CAPN6: variants seen among roughly 807,000 people sequenced by gnomAD.
CAPN6 encodes the protein calpain 6.
A neutral mutation model predicts 46.0 loss-of-function variants in CAPN6; 16 were observed. The observed-to-expected ratio is 0.35, with a 90% CI of 0.24 to 0.53. The LOEUF is 0.53. Ranked by LOEUF, CAPN6 falls within the 20% of genes least tolerant of loss-of-function variation. The pLI, the probability that CAPN6 is intolerant of heterozygous loss-of-function variation, is 0.94. For missense variants in CAPN6, 461 were observed against 498.0 expected (o/e 0.93, Z 0.71); for synonymous variants, 206 against 172.8 (o/e 1.19, Z -1.51).
rs970979582 is a variant in CAPN6 at position 111,246,161 on chromosome X, G to A, written c.*416C>T. The A allele has an allele frequency of 8.3e-6, 1 of 121,035 alleles. No individual in the cohort carries two copies. Among genetic ancestry groups the A allele is most frequent in the Non-Finnish European group, 1.7e-5 (1 of 59,381 alleles). 10.0% of individuals were successfully genotyped at this position (121,035 alleles called of 1,213,427 possible). Reference sequence around the variant, plus strand: ...TCTATAGTGTTCAGTCAGGAGCTAGGATGTCAGGCTAGACCAGCTTGGCCT... The same window carrying A: ...TCTATAGTGTTCAGTCAGGAGCTAGAATGTCAGGCTAGACCAGCTTGGCCT... On this transcript the variant is annotated 3_prime_UTR_variant, in exon 13 of 13. Coordinates refer to ENST00000324068, the MANE Select transcript of CAPN6 (RefSeq NM_014289.4).
chrX:111,248,754 T>G lies in CAPN6; in HGVS notation c.1299A>C (p.Lys433Asn), dbSNP rs2094976674. Residue 433 changes from lysine (K) to asparagine (N), a missense_variant, in exon 10 of 13, where the codon AAA becomes AAC. By Grantham distance (94) the Lys-to-Asn change is moderately conservative (BLOSUM62 0). Transcript: ENST00000324068. ...GGATGTAGAGGTGGTGGAGGCGGAA[T>G]TTGCGGTTCATCTCCACCTGGAAAT... ...FELFKVEMNR[K>N]FRLHHLYIQE... 4.1e-6 allele frequency: 5 copies of G among 1,209,068 alleles called. No individual in the cohort carries two copies. Among genetic ancestry groups the G allele is most frequent in the Non-Finnish European group, 4.5e-6 (4 of 894,661 alleles).
intron 12 of CAPN6, 113 bp from the exon 13 acceptor site, chrX:111,246,872 A>G (rs1380165236): frequency 6.4e-6 from 4 of 626,052 alleles, no homozygotes; most frequent in African/African-American, 2.2e-5. Context: ...TAAAACCAAG[A>G]GACTATTCTG....
intron 2 of CAPN6, among the ~76,000 whole-genome samples, chrX:111,257,583 T>C (rs1056181361): frequency 2.7e-5 from 3 of 112,213 alleles, no homozygotes; most frequent in African/African-American, 9.7e-5. Flanking sequence ...AACAGACTAT[T>C]TGGTGACAAA....
intron 2 of CAPN6, among the ~76,000 whole-genome samples, chrX:111,262,461 G>A (rs2094988628): frequency 8.9e-6 from 1 of 112,000 alleles, no homozygotes; most frequent in Non-Finnish European, 1.9e-5. Context: ...AAAAGTGATA[G>A]TTGGTAAAAG....
chrX:111,252,475 C>T lies in CAPN6; in HGVS notation c.531G>A (p.Leu177=). The T allele has an allele frequency of 2.5e-6, 3 of 1,206,682 alleles. No homozygotes were observed. The highest frequency in any genetic ancestry group is 3.4e-6 in the Non-Finnish European group (3 of 893,433). The change falls in exon 5 of 13, where the codon CTG becomes CTA. Residue 177 remains leucine, a synonymous_variant. Transcript: ENST00000324068. Reference sequence around the variant, plus strand: ...TAATATCAGTGATGGTCAAACCATCCAGGGCCTCATAACAGCCTAGCAGCC... The same window carrying T: ...TAATATCAGTGATGGTCAAACCATCTAGGGCCTCATAACAGCCTAGCAGCC... ...YAKLLGCYEA[L]DGLTITDIIV... is the part of the protein sequence containing the mutation.
In CAPN6 at chrX:111,251,215, T is replaced by C; in HGVS notation, c.965A>G (p.Glu322Gly). Residue 322 changes from glutamate to glycine, a missense_variant, in exon 7 of 13, where the codon GAG (glutamate) becomes GGG (glycine). Coordinates refer to ENST00000324068, the MANE Select transcript of CAPN6 (RefSeq NM_014289.4). ...TGCAGAAACCCCTCCTCACCAAAAC[T>C]CTCCATCATCAGACATAACAAGCCC... ...NLGLVMSDDG[E>G]FWMSLEDFCR... 1 of 1,206,383 alleles carries C rather than the reference T, an allele frequency of 8.3e-7. No homozygotes were observed. The highest frequency in any genetic ancestry group is 1.1e-6 in the Non-Finnish European group (1 of 894,143).
At chrX:111,258,368 G>A (rs908914011) in intron 2 of CAPN6, among the ~76,000 whole-genome samples, 27 of 111,925 alleles carry the variant, frequency 2.4e-4, no homozygotes, top group African/African-American at 8.8e-4. Context: ...TACAAGTGAG[G>A]TCAGGCCTGC....
chrX:111,247,537 C>A (rs1239533868), intron 11 of CAPN6, 33 bp from the exon 12 acceptor site: 4 of 1,174,284 alleles, frequency 3.4e-6, no homozygotes, highest in African/African-American at 3.5e-5. Flanking sequence ...TTTAACACAG[C>A]AATTAAAGTT....
At chrX:111,265,258 C>T (rs2094990908) in intron 1 of CAPN6, among the ~76,000 whole-genome samples, 2 of 112,334 alleles carry the variant, frequency 1.8e-5, no homozygotes, top group South Asian at 7.4e-4. Flanking sequence ...AAAGAAGTTT[C>T]CCCATTTGAA....
chrX:111,268,929 G>T (rs2094994010), intron 1 of CAPN6, among the ~76,000 whole-genome samples: 1 of 111,633 alleles, frequency 9.0e-6, no homozygotes. Context: ...TGGGGAGGAG[G>T]GCAAACATGC....
In CAPN6 at chrX:111,246,697, G is replaced by T; in HGVS notation, c.1806C>A (p.Pro602=). 8.3e-7 allele frequency: 1 copy of T among 1,210,813 alleles called. No homozygotes were observed. Among genetic ancestry groups the T allele is most frequent in the Non-Finnish European group, 1.1e-6 (1 of 895,032 alleles). Residue 602 remains proline (P), a synonymous_variant, in exon 13 of 13, where the codon CCC becomes CCA. Transcript: ENST00000324068. ...GAGACTTCAGATCACGGCAGTCGCT[G>T]GGGTCAGCATCCAGAGTAACCTGCC... ...FLGQVTLDAD[P]SDCRDLKSLY...
intron 2 of CAPN6, among the ~76,000 whole-genome samples, chrX:111,256,662 G>A (rs2094984015): frequency 9.0e-6 from 1 of 111,339 alleles, no homozygotes; most frequent in Non-Finnish European, 1.9e-5. Flanking sequence ...GACATAAAGG[G>A]TCACATAAGT....
intron 2 of CAPN6, among the ~76,000 whole-genome samples, chrX:111,260,364 G>A (rs1387553270): frequency 8.8e-6 from 1 of 113,036 alleles, no homozygotes; most frequent in Non-Finnish European, 1.9e-5. Flanking sequence ...GGAGGCTTAC[G>A]AAGGCAAAAG....
chrX:111,253,057 T>G lies in CAPN6; in HGVS notation c.457A>C (p.Thr153Pro). 8.3e-7 allele frequency: 1 copy of G among 1,211,609 alleles called. No individual in the cohort carries two copies. Among genetic ancestry groups the G allele is most frequent in the Non-Finnish European group, 1.1e-6 (1 of 895,155 alleles). Residue 153 changes from threonine to proline, a missense_variant, in exon 4 of 13, where the codon ACT becomes CCT. Thr to Pro is a conservative substitution (Grantham distance 38). Transcript: ENST00000324068. ...INGDLVFSFS[T>P]SMNEFWNALL... ...GCATTCCAAAACTCATTCATGGAAGTGGAGAAAGAGAAGACCAGATCTCCG... is the reference window on the plus strand; with the variant it reads ...GCATTCCAAAACTCATTCATGGAAGGGGAGAAAGAGAAGACCAGATCTCCG...
chrX:111,253,285 TACTC>T, intron 3 of CAPN6, 69 bp from the exon 4 acceptor site: 3 of 870,754 alleles, frequency 3.4e-6, no homozygotes, highest in Non-Finnish European at 5.1e-6. Context: ...GATTACAGTT[TACTC>T]CTGGCAAATC....
intron 1 of CAPN6, among the ~76,000 whole-genome samples, chrX:111,268,247 G>A (rs7880289): frequency 1.8e-5 from 2 of 111,241 alleles, no homozygotes; most frequent in South Asian, 3.8e-4. Context: ...ATTTTAATTC[G>A]GTTGCTCAAT....
intron 1 of CAPN6, among the ~76,000 whole-genome samples, chrX:111,268,804 C>T (rs949364303): frequency 2.0e-4 from 22 of 112,203 alleles, no homozygotes; most frequent in Non-Finnish European, 1.9e-4. Context: ...AGTACAACTT[C>T]TTTCTTTTGT....
At chrX:111,250,254 G>C (rs1484618964) in intron 8 of CAPN6, among the ~76,000 whole-genome samples, 1 of 111,583 alleles carries the variant, frequency 9.0e-6, no homozygotes, top group Non-Finnish European at 1.9e-5. Context: ...CTATGAGTTA[G>C]CTCATCAGCA....
intron 2 of CAPN6, among the ~76,000 whole-genome samples, chrX:111,260,511 G>A (rs373306188): frequency 8.9e-6 from 1 of 112,761 alleles, no homozygotes; most frequent in East Asian, 2.8e-4. Flanking sequence ...TGTAAGTTTC[G>A]CTGCAAACCA....
Sources: gnomAD v4.1 joint callset for allele counts (sites outside exome capture counted in the v4.1 genomes callset) on GRCh38, gnomAD v4.1.1 for gene constraint, MANE v1.5 for transcripts, NCBI Gene and HGNC (gene_info 2026-07-23, HGNC 2026-07-21) for gene names.